RAI14: variants seen among roughly 807,000 people sequenced by gnomAD.
RAI14 encodes the protein retinoic acid induced 14, also known as ankycorbin.
RAI14 carries 45 observed loss-of-function variants against 115.4 expected under a neutral mutation model. The ratio of observed to expected loss-of-function variants is 0.39; its 90% confidence interval spans 0.31 to 0.50. The LOEUF (loss-of-function observed/expected upper bound fraction) is 0.50. RAI14 is among the 20% of genes least tolerant of loss of function. The probability of loss-of-function intolerance (pLI) is 0.85; values close to 1 mark genes in which losing one functional copy is unlikely to be tolerated. For missense variants in RAI14, 939 were observed against 1,131.2 expected (o/e 0.83, Z 2.44); for synonymous variants, 371 against 415.4 (o/e 0.89, Z 1.30).
intron 3 of RAI14, among the ~76,000 whole-genome samples, chr5:34,768,768 C>T (rs952345101): frequency 5.3e-5 from 8 of 152,144 alleles, no homozygotes; most frequent in Non-Finnish European, 7.4e-5. Flanking sequence ...ACGGGCAGAT[C>T]GCTTGAGGTC....
intron 2 of RAI14, among the ~76,000 whole-genome samples, chr5:34,752,699 ATATATGTGTGTGTG>A (rs1292762061): frequency 3.9e-5 from 2 of 51,420 alleles, no homozygotes; most frequent in Admixed American, 1.8e-4. Context: ...TATTTCTTAC[ATATATGTGTGTGTG>A]TGTGTGTGTG....
At chr5:34,812,935 G>T (rs988703022) in intron 10 of RAI14, among the ~76,000 whole-genome samples, 4 of 152,246 alleles carry the variant, frequency 2.6e-5, no homozygotes, top group Middle Eastern at 6.8e-3. Context: ...TTTAATTAGG[G>T]TTTTTCTAGA....
intron 3 of RAI14, among the ~76,000 whole-genome samples, chr5:34,781,402 A>C (rs1008219589): frequency 3.2e-4 from 49 of 152,302 alleles, no homozygotes; most frequent in Admixed American, 3.1e-3. Context: ...GCTTATGTAG[A>C]GACAAAGCTG....
At chr5:34,755,858 A>G (rs921596923) in intron 2 of RAI14, among the ~76,000 whole-genome samples, 22 of 152,268 alleles carry the variant, frequency 1.4e-4, no homozygotes, top group Admixed American at 3.9e-4. Context: ...CACAGTGGAC[A>G]TCCAGTCCAA....
intron 2 of RAI14, among the ~76,000 whole-genome samples, chr5:34,729,013 C>T (rs1474387689): frequency 1.3e-5 from 2 of 152,092 alleles, no homozygotes; most frequent in Non-Finnish European, 2.9e-5. Flanking sequence ...TAGGTTTCTA[C>T]AGGGAATGAG....
At chr5:34,822,250 G>GTATATA (rs376790121) in intron 14 of RAI14, among the ~76,000 whole-genome samples, 31,500 of 134,376 alleles carry the variant, frequency 0.23, 4,136 homozygotes, top group Non-Finnish European at 0.29. Flanking sequence ...ATGTGTGTAT[G>GTATATA]TATATATATA....
intron 2 of RAI14, among the ~76,000 whole-genome samples, chr5:34,692,730 G>A (rs76980410): frequency 0.45 from 69,033 of 151,814 alleles, 17,765 homozygotes; most frequent in South Asian, 0.64. Flanking sequence ...CGTGCTACGT[G>A]TTTTCTAGGT....
rs1019884862 is a variant in RAI14, at chr5:34,828,027, C to T, written c.2799+1548C>T. Among the ~76,000 whole-genome samples, 4 of 152,186 alleles carry T rather than the reference C, an allele frequency of 2.6e-5. No individual in the cohort carries two copies. In the East Asian group the frequency reaches 7.7e-4, roughly 29 times the overall value. On this transcript the variant is annotated intron_variant, in intron 16 of 17. Transcript: ENST00000265109. ...TTACTTAGCAAGGACTGACATATGG[C>T]ACTAGCTGGCTTTTGGGAACCTTGG... is the stretch of plus-strand genomic sequence containing the variant.
At chr5:34,812,637 C>T (rs568612019) in intron 10 of RAI14, among the ~76,000 whole-genome samples, 39 of 151,938 alleles carry the variant, frequency 2.6e-4, no homozygotes, top group Middle Eastern at 3.4e-3. Flanking sequence ...TGCACTCCAT[C>T]CTGGGCAACA....
chr5:34,806,732 A>T (rs1754950419), intron 5 of RAI14, among the ~76,000 whole-genome samples: 1 of 152,040 alleles, frequency 6.6e-6, no homozygotes. Flanking sequence ...CAGGTGGGGC[A>T]CGGGGGAGGG....
intron 2 of RAI14, among the ~76,000 whole-genome samples, chr5:34,687,157 T>C (rs992685059): frequency 1.3e-5 from 2 of 152,190 alleles, no homozygotes; most frequent in African/African-American, 4.8e-5. Flanking sequence ...AAAAACAATG[T>C]TTTTTTATTT....
chr5:34,754,438 G>A (rs1391441455), intron 2 of RAI14, among the ~76,000 whole-genome samples: 1 of 152,114 alleles, frequency 6.6e-6, no homozygotes, highest in Non-Finnish European at 1.5e-5. Context: ...GTCTCACTGT[G>A]TTGCCCAGAG....
intron 1 of RAI14, among the ~76,000 whole-genome samples, chr5:34,685,263 C>T (rs1744741686): frequency 6.6e-6 from 1 of 151,988 alleles, no homozygotes; most frequent in Admixed American, 6.6e-5. Context: ...CATGTTTTAG[C>T]ACAGGATTTG....
intron 1 of RAI14, among the ~76,000 whole-genome samples, chr5:34,665,426 TA>T (rs1011990626): frequency 8.6e-5 from 13 of 150,348 alleles, no homozygotes; most frequent in African/African-American, 3.2e-4. Flanking sequence ...TGATGGAGAA[TA>T]AAAGGCCAGA....
chr5:34,776,469 C>A (rs924201658), intron 3 of RAI14, among the ~76,000 whole-genome samples: 17 of 151,922 alleles, frequency 1.1e-4, no homozygotes, highest in Admixed American at 2.0e-4. Context: ...GTGGAGGATA[C>A]CCCCATTTAC....
At chr5:34,697,489 A>G (rs1191799135) in intron 2 of RAI14, among the ~76,000 whole-genome samples, 2 of 152,180 alleles carry the variant, frequency 1.3e-5, no homozygotes, top group African/African-American at 4.8e-5. Context: ...TTGAATGTTA[A>G]CAGCTGGTGA....
intron 2 of RAI14, among the ~76,000 whole-genome samples, chr5:34,708,219 T>C (rs753498005): frequency 2.0e-5 from 3 of 151,918 alleles, no homozygotes; most frequent in Middle Eastern, 6.8e-3. Flanking sequence ...TTTTTTTTTT[T>C]GAGACCGAGT....
intron 2 of RAI14, among the ~76,000 whole-genome samples, chr5:34,697,993 C>T (rs922799678): frequency 1.3e-5 from 2 of 151,972 alleles, no homozygotes; most frequent in Admixed American, 6.6e-5. Flanking sequence ...CCTTTTGGTT[C>T]ATATTGGGTT....
intron 2 of RAI14, among the ~76,000 whole-genome samples, chr5:34,702,059 C>T (rs77546691): frequency 0.023 from 3,514 of 152,282 alleles, 117 homozygotes; most frequent in East Asian, 0.17. Flanking sequence ...AGTGATTCAC[C>T]GGCCTTGGCC....
Sources: gnomAD v4.1 joint callset for allele counts (sites outside exome capture counted in the v4.1 genomes callset) on GRCh38, gnomAD v4.1.1 for gene constraint, MANE v1.5 for transcripts, NCBI Gene and HGNC (gene_info 2026-07-23, HGNC 2026-07-21) for gene names.